Variants in TSTD2 observed in about 807,000 individuals in gnomAD.
TSTD2 encodes the protein thiosulfate sulfurtransferase/rhodanese-like domain-containing protein 2.
Under a neutral mutation model 47.9 loss-of-function variants are expected in TSTD2, and 37 were observed. The observed-to-expected ratio is 0.77, with a 90% CI of 0.59 to 1.02. The LOEUF (loss-of-function observed/expected upper bound fraction) is 1.02. Ranked by LOEUF, TSTD2 falls within the 50% of genes least tolerant of loss-of-function variation. The probability of loss-of-function intolerance (pLI) is 0.00; values close to 1 mark genes in which losing one functional copy is unlikely to be tolerated. For synonymous variants in TSTD2, 201 were observed against 215.9 expected (o/e 0.93, Z 0.61); for missense variants, 586 against 616.0 (o/e 0.95, Z 0.52).
At chr9:97,626,221 C>T (rs1286976830) in intron 2 of TSTD2, among the ~76,000 whole-genome samples, 1 of 145,306 alleles carries the variant, frequency 6.9e-6, no homozygotes, top group Non-Finnish European at 1.5e-5. Context: ...GGTTAAATAA[C>T]TCTCAGCATC....
At position 97,601,238 on chromosome 9, in the gene TSTD2, A is replaced by G; in HGVS notation, c.*1231T>C. On this transcript the variant is annotated 3_prime_UTR_variant, in exon 10 of 10. Transcript: ENST00000341170. Reference sequence around the variant, plus strand: ...GCTGAAAACTGCAATATAATATTAAATCTGTTGGTCTATGCATGGCTGCGT... The same window carrying G: ...GCTGAAAACTGCAATATAATATTAAGTCTGTTGGTCTATGCATGGCTGCGT... 1 of 1,260,280 alleles carries G rather than the reference A, an allele frequency of 7.9e-7. No individual in the cohort carries two copies. The highest frequency in any genetic ancestry group is 2.5e-5 in the Admixed American group (1 of 40,162). 78.1% of individuals were successfully genotyped at this position (1,260,280 alleles called of 1,614,324 possible).
intron 9 of TSTD2, 51 bp from the exon 10 acceptor site, chr9:97,602,818 G>A (rs547269602): frequency 1.3e-5 from 20 of 1,527,796 alleles, no homozygotes; most frequent in African/African-American, 2.7e-5. Flanking sequence ...TCACACACAC[G>A]TGGACAGGCA....
chr9:97,620,294 C>T (rs73554652), intron 3 of TSTD2, among the ~76,000 whole-genome samples: 17,954 of 152,178 alleles, frequency 0.12, 3,011 homozygotes, highest in African/African-American at 0.37. Flanking sequence ...ATGTGACTTG[C>T]TCCTCCTTGC....
chr9:97,601,246 G>T lies in TSTD2; in HGVS notation c.*1223C>A. The T allele has an allele frequency of 8.0e-7, 1 of 1,250,690 alleles. No individual in the cohort carries two copies. The highest frequency in any genetic ancestry group is 1.0e-6 in the Non-Finnish European group (1 of 959,668). 77.5% of individuals were successfully genotyped at this position (1,250,690 alleles called of 1,614,324 possible). On this transcript the variant is annotated 3_prime_UTR_variant, in exon 10 of 10. Coordinates refer to ENST00000341170, the MANE Select transcript of TSTD2 (RefSeq NM_139246.5). ...CTGCAATATAATATTAAATCTGTTGGTCTATGCATGGCTGCGTATGTGTTT... is the reference window on the plus strand; with the variant it reads ...CTGCAATATAATATTAAATCTGTTGTTCTATGCATGGCTGCGTATGTGTTT...
At chr9:97,630,084 C>T (rs1296452473) in intron 1 of TSTD2, among the ~76,000 whole-genome samples, 1 of 152,160 alleles carries the variant, frequency 6.6e-6, no homozygotes, top group African/African-American at 2.4e-5. Context: ...TACCCTGTGT[C>T]ACTGCTTCCT....
At chr9:97,603,105 C>G (rs1037162566) in intron 9 of TSTD2, 4 of 242,250 alleles carry the variant, frequency 1.7e-5, no homozygotes, top group Non-Finnish European at 1.7e-5. Context: ...CTCCCAACCC[C>G]CTTGTTAAGT....
Position 97,625,785 on chromosome 9 carries a change from C to CGA in TSTD2, c.376_377dup (p.Ser127ArgfsTer9). ...TTAAAGGGTTCTTTTCATCTGCAGA[C>CGA]GAAAGACTCTTTGAGGTGCTCAATG... On this transcript the variant is annotated frameshift_variant, in exon 3 of 10. Transcript: ENST00000341170. LOFTEE classifies it high-confidence loss of function. 6.2e-7 allele frequency: 1 copy of CGA among 1,614,132 alleles called. No individual in the cohort carries two copies. The highest frequency in any genetic ancestry group is 1.1e-5 in the South Asian group (1 of 91,088).
intron 2 of TSTD2, among the ~76,000 whole-genome samples, chr9:97,626,826 T>C (rs1361713896): frequency 6.6e-6 from 1 of 152,226 alleles, no homozygotes; most frequent in Non-Finnish European, 1.5e-5. Flanking sequence ...AGCATGTGGG[T>C]GCCATTTTAT....
At chr9:97,631,511 G>A (rs940722479) in intron 1 of TSTD2, among the ~76,000 whole-genome samples, 1 of 152,126 alleles carries the variant, frequency 6.6e-6, no homozygotes. Flanking sequence ...TTTGCAGCTA[G>A]AATTACTGCA....
chr9:97,610,476 A>G lies in TSTD2; in HGVS notation c.730-25T>C, dbSNP rs1393251606. On this transcript the variant is annotated intron_variant, in intron 5 of 9. Transcript: ENST00000341170. ...TCTAGCCAATGAGAAACAAAACAGA[A>G]TACAGTCTTGCTGTCCCATCTCCAG... 14 of 1,501,506 alleles carry G rather than the reference A, an allele frequency of 9.3e-6. No individual in the cohort carries two copies. The South Asian group carries it at 1.7e-4, about 19-fold the overall frequency. The allele number at this position is 1,501,506 out of a possible 1,614,324, so 93.0% of individuals were successfully genotyped here.
rs910499552 is a variant in TSTD2, at chr9:97,600,127, A to G, written c.*2342T>C. ...ACTTTATTACAAATTTGTCTTAGCT[A>G]TTAGCAAATAAAACTGATTATCATT... On this transcript the variant is annotated 3_prime_UTR_variant, in exon 10 of 10. Coordinates refer to ENST00000341170, the MANE Select transcript of TSTD2 (RefSeq NM_139246.5). 3 of 1,004,122 alleles carry G rather than the reference A, an allele frequency of 3.0e-6. No homozygotes were observed. Among genetic ancestry groups the G allele is most frequent in the African/African-American group, 1.7e-5 (1 of 57,956 alleles). The allele number at this position is 1,004,122 out of a possible 1,614,324, so 62.2% of individuals were successfully genotyped here. A position where few individuals can be genotyped will look rare whatever the true frequency, so the allele number is the denominator to read the frequency against.
chr9:97,617,815 G>T lies in TSTD2; in HGVS notation c.545C>A (p.Pro182His). 4 of 1,614,118 alleles carry T rather than the reference G, an allele frequency of 2.5e-6. No homozygotes were observed. The highest frequency in any genetic ancestry group is 3.4e-6 in the Non-Finnish European group (4 of 1,180,020). ...LYYCYHDLED[P>H]QWICAWQTAL... ...TGTCTGCCAGGCACAGATCCATTGG[G>T]GATCCTCCAGGTCATGGTAGCAGTA... Residue 182 changes from proline to histidine, a missense_variant, in exon 4 of 10, where the codon CCC (proline) becomes CAC (histidine). Physicochemically the swap from Pro to His is moderately conservative, Grantham distance 77 (BLOSUM62 -2). Coordinates refer to ENST00000341170, the MANE Select transcript of TSTD2 (RefSeq NM_139246.5).
At position 97,601,887 on chromosome 9, in the gene TSTD2, G is replaced by A. The variant is rs1250420428; in HGVS notation, c.*582C>T. The A allele has an allele frequency of 6.6e-6, 1 of 152,568 alleles. No homozygotes were observed. Among genetic ancestry groups the A allele is most frequent in the Non-Finnish European group, 1.5e-5 (1 of 68,344 alleles). 9.5% of individuals were successfully genotyped at this position (152,568 alleles called of 1,614,324 possible). On this transcript the variant is annotated 3_prime_UTR_variant, in exon 10 of 10. Transcript: ENST00000341170. ...ATACGTGGGTTCTGTAGGGCCCACT[G>A]TGGGACTTGAGTATGCATTGGGTTT...
intron 3 of TSTD2, among the ~76,000 whole-genome samples, 184 bp downstream of exon 3, chr9:97,625,497 G>C (rs1826704099): frequency 2.0e-5 from 3 of 152,206 alleles, no homozygotes. Flanking sequence ...CTTTTCCAAA[G>C]TGGTTGTGCC....
At chr9:97,603,353 C>G (rs938549620) in intron 9 of TSTD2, among the ~76,000 whole-genome samples, 3 of 152,170 alleles carry the variant, frequency 2.0e-5, no homozygotes, top group African/African-American at 7.2e-5. Context: ...CTCACTTTTC[C>G]TTACCTTGCT....
chr9:97,625,930 A>C lies in TSTD2; in HGVS notation c.233T>G (p.Leu78Trp). The change falls in exon 3 of 10, where the codon TTG becomes TGG. Residue 78 changes from leucine (L) to tryptophan (W), a missense_variant. Coordinates refer to ENST00000341170, the MANE Select transcript of TSTD2 (RefSeq NM_139246.5). ...GAATAGCTGCCGACAGCATTTCCAC[A>C]ATTTTTCTTTACATTCAAAACTCCT... Reference protein sequence around the residue: ...TKRSFECKEKLWKCCRQLFTD... With the variant: ...TKRSFECKEKWWKCCRQLFTD... The C allele has an allele frequency of 6.2e-7, 1 of 1,613,972 alleles. No homozygotes were observed. The highest frequency in any genetic ancestry group is 2.2e-5 in the East Asian group (1 of 44,890).
Position 97,627,361 on chromosome 9 carries a change from C to T in TSTD2, c.165+37G>A, listed in dbSNP as rs770218829. ...CTTCCAAATGTATCTGCGTTAACCACACATACATGATCATGAAACATTCAT... is the reference window on the plus strand; with the variant it reads ...CTTCCAAATGTATCTGCGTTAACCATACATACATGATCATGAAACATTCAT... On this transcript the variant is annotated intron_variant, in intron 2 of 9. Coordinates refer to ENST00000341170, the MANE Select transcript of TSTD2 (RefSeq NM_139246.5). The T allele has an allele frequency of 3.2e-6, 5 of 1,560,112 alleles. No homozygotes were observed. In the South Asian group the frequency reaches 6.0e-5, roughly 19 times the overall value.
At chr9:97,602,926 A>C (rs1180963214) in intron 9 of TSTD2, 159 bp from the exon 10 acceptor site, 5 of 584,652 alleles carry the variant, frequency 8.6e-6, no homozygotes, top group Non-Finnish European at 1.4e-5. Context: ...ACAACTAACC[A>C]CCACCCCCAC....
At chr9:97,604,598 A>G in intron 9 of TSTD2, 129 bp downstream of exon 9, 1 of 1,340,704 alleles carries the variant, frequency 7.5e-7, no homozygotes, top group Middle Eastern at 1.9e-4. Flanking sequence ...GGCACAATGT[A>G]CTTATTTTCC....
Sources: gnomAD v4.1 joint callset for allele counts (sites outside exome capture counted in the v4.1 genomes callset) on GRCh38, gnomAD v4.1.1 for gene constraint, MANE v1.5 for transcripts, NCBI Gene and HGNC (gene_info 2026-07-23, HGNC 2026-07-21) for gene names.